The following KCNH5 variants were observed in gnomAD, a reference collection of about 807,000 sequenced individuals.
KCNH5 encodes potassium voltage-gated channel subfamily H member 5, also known as voltage-gated delayed rectifier potassium channel KCNH5.
Under a neutral mutation model 96.1 loss-of-function variants are expected in KCNH5, and 46 were observed. The ratio of observed to expected loss-of-function variants is 0.48; its 90% confidence interval spans 0.38 to 0.61. The LOEUF (loss-of-function observed/expected upper bound fraction) is 0.61. Among genes scored for constraint, KCNH5 ranks in the 20% least tolerant of loss-of-function variants. The probability of loss-of-function intolerance (pLI) is 0.00; values close to 1 mark genes in which losing one functional copy is unlikely to be tolerated. For missense variants in KCNH5, 907 were observed against 1,225.8 expected, an observed-to-expected ratio of 0.74 and a Z score of 3.88; for synonymous variants, 439 against 449.8, an observed-to-expected ratio of 0.98 and a Z score of 0.30.
At chr14:62,976,651 GAGA>G (rs1354333441) in intron 6 of KCNH5, among the ~76,000 whole-genome samples, 2 of 152,168 alleles carry the variant, frequency 1.3e-5, no homozygotes, top group East Asian at 1.9e-4. Flanking sequence ...CCTTAGGACA[GAGA>G]AGGTGTATGA....
chr14:62,825,473 C>G (rs1306160510), intron 8 of KCNH5, among the ~76,000 whole-genome samples: 1 of 151,892 alleles, frequency 6.6e-6, no homozygotes, highest in Non-Finnish European at 1.5e-5. Flanking sequence ...TAACCGACAC[C>G]TAGTCTAATT....
rs115150499 is a variant in KCNH5 at position 62,886,532 on chromosome 14, G to A, written c.1370-36680C>T. On this transcript the variant is annotated intron_variant, in intron 7 of 10. Coordinates refer to ENST00000322893, the MANE Select transcript of KCNH5 (RefSeq NM_139318.5). ...ATGTGTCTGGAAGCCCACAATGATT[G>A]TGATACCAGTTGAAAAGGTAAAGTG... 8.1e-3 allele frequency among the ~76,000 whole-genome samples: 1,233 copies of A among 152,254 alleles called. 13 individuals carry two copies. Among genetic ancestry groups the A allele is most frequent in the African/African-American group, 0.029 (1,191 of 41,548 alleles).
intron 10 of KCNH5, among the ~76,000 whole-genome samples, chr14:62,726,083 A>G (rs1294939515): frequency 6.6e-6 from 1 of 152,198 alleles, no homozygotes; most frequent in Non-Finnish European, 1.5e-5. Context: ...TACCGGATAA[A>G]TGGAACATCC....
At chr14:62,902,583 G>T (rs997449828) in intron 7 of KCNH5, among the ~76,000 whole-genome samples, 5 of 152,028 alleles carry the variant, frequency 3.3e-5, no homozygotes, top group African/African-American at 1.2e-4. Context: ...TTTTGTAAGA[G>T]CCCAATTTTT....
At position 62,814,545 on chromosome 14, in the gene KCNH5, T is replaced by C. The variant is rs749951121; in HGVS notation, c.1570-11964A>G. Among the ~76,000 whole-genome samples the C allele has an allele frequency of 1.2e-3, 179 of 151,966 alleles. 6 individuals carry two copies. Among genetic ancestry groups the C allele is most frequent in the Non-Finnish European group, 2.4e-4 (16 of 67,978 alleles). On this transcript the variant is annotated intron_variant, in intron 8 of 10. Transcript: ENST00000322893. ...TTTTTAGTCCCCATGACAAGTGATG[T>C]TCCCATCCTTAAAAGAATGAGCCAG...
At chr14:62,757,008 C>G (rs1377196199) in intron 10 of KCNH5, among the ~76,000 whole-genome samples, 1 of 151,966 alleles carries the variant, frequency 6.6e-6, no homozygotes, top group Non-Finnish European at 1.5e-5. Context: ...AAGAGAAAAC[C>G]CACAGAATTG....
At position 62,980,952 on chromosome 14, in the gene KCNH5, A is replaced by G; in HGVS notation, c.862T>C (p.Tyr288His). 6.2e-7 allele frequency: 1 copy of G among 1,614,104 alleles called. No individual in the cohort carries two copies. Residue 288 changes from tyrosine to histidine, a missense_variant, in exon 6 of 11, where the codon TAT becomes CAT. Transcript: ENST00000322893. ...TCGATCACAAACCAAGTTTTCAGATAGTTCATCCTTATGAGCTTAGGGTCA... is the reference window on the plus strand; with the variant it reads ...TCGATCACAAACCAAGTTTTCAGATGGTTCATCCTTATGAGCTTAGGGTCA... ...ISDPKLIRMN[Y>H]LKTWFVIDLL...
intron 1 of KCNH5, among the ~76,000 whole-genome samples, chr14:63,028,571 A>T (rs1191475145): frequency 6.6e-6 from 1 of 152,108 alleles, no homozygotes; most frequent in Non-Finnish European, 1.5e-5. Flanking sequence ...AATAATTGCA[A>T]ATTTAAACTC....
chr14:62,901,985 CAT>C (rs922719359), intron 7 of KCNH5, among the ~76,000 whole-genome samples: 6 of 152,154 alleles, frequency 3.9e-5, no homozygotes, highest in Non-Finnish European at 8.8e-5. Context: ...AGGTGTGGCA[CAT>C]GTTTTCATGT....
chr14:62,963,130 A>G (rs1390706504), intron 6 of KCNH5, among the ~76,000 whole-genome samples: 2 of 152,166 alleles, frequency 1.3e-5, no homozygotes, highest in African/African-American at 4.8e-5. Flanking sequence ...AGTAACAATG[A>G]GATGTTTTGG....
intron 7 of KCNH5, among the ~76,000 whole-genome samples, chr14:62,879,880 C>A (rs1888458018): frequency 6.6e-6 from 1 of 152,088 alleles, no homozygotes; most frequent in Admixed American, 6.6e-5. Flanking sequence ...TCATCCATGT[C>A]TTCTAATCAT....
rs1468230577 is a variant in KCNH5, at chr14:62,756,963, GC to G, written c.2019+22764del. Among the ~76,000 whole-genome samples, 3 of 152,134 alleles carry G rather than the reference GC, an allele frequency of 2.0e-5. No individual in the cohort carries two copies. In the East Asian group the frequency reaches 5.8e-4, roughly 29 times the overall value. On this transcript the variant is annotated intron_variant, in intron 10 of 10. Transcript: ENST00000322893. ...CTGGACAAATAGATCACGTTAAAAA[GC>G]TTCTTCACAGCAAAGGAAACAATAA...
intron 10 of KCNH5, among the ~76,000 whole-genome samples, chr14:62,732,283 C>T (rs575470708): frequency 1.9e-4 from 29 of 152,252 alleles, no homozygotes; most frequent in African/African-American, 6.5e-4. Context: ...GCTTCTTTTT[C>T]TCTTTCCTTT....
chr14:62,905,412 T>C (rs1388758220), intron 7 of KCNH5, among the ~76,000 whole-genome samples: 2 of 152,216 alleles, frequency 1.3e-5, no homozygotes, highest in African/African-American at 2.4e-5. Context: ...CTTAATTCCA[T>C]AGTAACTATA....
Position 62,762,457 on chromosome 14 carries a change from A to G in KCNH5, c.2019+17271T>C, listed in dbSNP as rs138800899. Among the ~76,000 whole-genome samples, 6 of 152,214 alleles carry G rather than the reference A, an allele frequency of 3.9e-5. No individual in the cohort carries two copies. The East Asian group carries it at 9.7e-4, about 25-fold the overall frequency. ...AGTTTCAGCAGACAAGCCCTCACCA[A>G]CAGGCACCCAGCAGCAGCCTCTCCA... On this transcript the variant is annotated intron_variant, in intron 10 of 10. Transcript: ENST00000322893.
chr14:62,845,068 T>C (rs1887663242), intron 8 of KCNH5, among the ~76,000 whole-genome samples: 1 of 152,150 alleles, frequency 6.6e-6, no homozygotes, highest in African/African-American at 2.4e-5. Flanking sequence ...TTATATTTCC[T>C]TTTAAAGTAT....
At chr14:62,875,660 G>C (rs1021257344) in intron 7 of KCNH5, among the ~76,000 whole-genome samples, 3 of 152,114 alleles carry the variant, frequency 2.0e-5, no homozygotes, top group African/African-American at 7.2e-5. Flanking sequence ...GAAATACCAT[G>C]TGACCCATCA....
intron 3 of KCNH5, among the ~76,000 whole-genome samples, chr14:63,003,500 ATAT>A (rs543739843): frequency 0.043 from 5,233 of 121,644 alleles, 214 homozygotes; most frequent in East Asian, 0.15. Context: ...TATTATATAT[ATAT>A]TTTATATATA....
rs36093916 is a variant in KCNH5 at position 62,801,897 on chromosome 14, T to G, written c.1822+432A>C. ...TTCAAGCCTCCATTCATTTACTAAT[T>G]GGGAAAGTCACTAAGCTTCTCTGGA... On this transcript the variant is annotated intron_variant, in intron 9 of 10. Coordinates refer to ENST00000322893, the MANE Select transcript of KCNH5 (RefSeq NM_139318.5). 3.4e-3 allele frequency among the ~76,000 whole-genome samples: 520 copies of G among 152,222 alleles called. 3 individuals carry two copies. Among genetic ancestry groups the G allele is most frequent in the Non-Finnish European group, 6.1e-3 (417 of 68,002 alleles).
Sources: gnomAD v4.1 joint callset for allele counts (sites outside exome capture counted in the v4.1 genomes callset) on GRCh38, gnomAD v4.1.1 for gene constraint, MANE v1.5 for transcripts, NCBI Gene and HGNC (gene_info 2026-07-23, HGNC 2026-07-21) for gene names.